Variants in ST3GAL4 observed in about 807,000 individuals in gnomAD.
ST3GAL4 encodes the protein CMP-N-acetylneuraminate-beta-galactosamide-alpha-2,3-sialyltransferase 4.
A neutral mutation model predicts 42.6 loss-of-function variants in ST3GAL4; 24 were observed. That is an observed-to-expected ratio of 0.56 (90% CI 0.41 to 0.79). The LOEUF (loss-of-function observed/expected upper bound fraction) is 0.79, where lower values mean the gene tolerates loss of function less well. ST3GAL4 is among the 30% of genes least tolerant of loss of function. The pLI, the probability that ST3GAL4 is intolerant of heterozygous loss-of-function variation, is 0.00. For missense variants in ST3GAL4, 311 were observed against 430.8 expected (o/e 0.72, Z 2.46); for synonymous variants, 135 against 163.2 (o/e 0.83, Z 1.32).
At chr11:126,358,492 G>A (rs1439961474) in intron 1 of ST3GAL4, 1 of 454,812 alleles carries the variant, frequency 2.2e-6, no homozygotes, top group Non-Finnish European at 4.4e-6. Context: ...CCCAACCCCT[G>A]CCACATTTCG....
At chr11:126,360,123 C>T (rs1394658359) in intron 1 of ST3GAL4, among the ~76,000 whole-genome samples, 1 of 152,254 alleles carries the variant, frequency 6.6e-6, no homozygotes, top group African/African-American at 2.4e-5. Flanking sequence ...ACAAGCTCCG[C>T]ACCGGCAGCC....
In ST3GAL4 at chr11:126,391,499, G is replaced by A. The variant is rs1953512130; in HGVS notation, c.-60-14597G>A. Among the ~76,000 whole-genome samples the A allele has an allele frequency of 6.6e-6, 1 of 152,152 alleles. No individual in the cohort carries two copies. The highest frequency in any genetic ancestry group is 2.1e-4 in the South Asian group (1 of 4,828). On this transcript the variant is annotated intron_variant, in intron 1 of 10. Coordinates refer to ENST00000444328, the MANE Select transcript of ST3GAL4 (RefSeq NM_001254757.2). This position sits in a 1 kb window ranked among gnomAD's most constrained non-coding sequence, Gnocchi z 5.5. ...GAGGTGCGGCTCTTGGAAAGACAGA[G>A]TGTGACTTCCCCAGTGTGGTCTCCT...
chr11:126,407,220 C>G, intron 4 of ST3GAL4, 32 bp from the exon 5 acceptor site: 1 of 1,608,772 alleles, frequency 6.2e-7, no homozygotes, highest in Non-Finnish European at 8.5e-7. Context: ...TAATTCTGTT[C>G]TCATCCCCAC....
At chr11:126,381,048 T>C (rs1253595415) in intron 1 of ST3GAL4, among the ~76,000 whole-genome samples, 3 of 152,232 alleles carry the variant, frequency 2.0e-5, no homozygotes, top group African/African-American at 4.8e-5. Context: ...TGGGGTGCAC[T>C]TCTGCATGTG....
At chr11:126,357,232 C>T (rs1565387555) in intron 1 of ST3GAL4, among the ~76,000 whole-genome samples, 1 of 152,254 alleles carries the variant, frequency 6.6e-6, no homozygotes, top group East Asian at 1.9e-4. Context: ...TGCCTGGCCC[C>T]ATTGCGCTGG....
In ST3GAL4 at chr11:126,402,465, AAAAAG is replaced by A. The variant is rs1388820421; in HGVS notation, c.-60-3628_-60-3624del. On this transcript the variant is annotated intron_variant, in intron 1 of 10. Coordinates refer to ENST00000444328, the MANE Select transcript of ST3GAL4 (RefSeq NM_001254757.2). Reference sequence around the variant, plus strand: ...CAAGACTGTCTGAAAAAAAAAAAAAAAAAAGAAGAAGAAGAAGAACTGAGGACAGT... The same window carrying A: ...CAAGACTGTCTGAAAAAAAAAAAAAAAAGAAGAAGAAGAACTGAGGACAGT... Among the ~76,000 whole-genome samples, 4 of 151,826 alleles carry A rather than the reference AAAAAG, an allele frequency of 2.6e-5. No homozygotes were observed. In the East Asian group the frequency reaches 7.7e-4, roughly 29 times the overall value.
At chr11:126,385,162 C>CTT (rs111523385) in intron 1 of ST3GAL4, among the ~76,000 whole-genome samples, 9 of 145,926 alleles carry the variant, frequency 6.2e-5, no homozygotes, top group Admixed American at 2.7e-4. Context: ...CAGTTTCTTT[C>CTT]TTTTTTTTTT....
In ST3GAL4 at chr11:126,378,612, T is replaced by C. The variant is rs1323297050; in HGVS notation, c.-61+22770T>C. Among the ~76,000 whole-genome samples the C allele has an allele frequency of 6.6e-6, 1 of 152,224 alleles. No individual in the cohort carries two copies. The highest frequency in any genetic ancestry group is 1.9e-4 in the East Asian group (1 of 5,204). ...TTAGTAGAGACAGGGTTTCACCGTG[T>C]TAGCCAGGATGGTCTCGATCTCCTG... On this transcript the variant is annotated intron_variant, in intron 1 of 10. Transcript: ENST00000444328. This position sits in a 1 kb window ranked among gnomAD's most constrained non-coding sequence, Gnocchi z 5.3.
At chr11:126,413,940 T>C (rs1954636737) in intron 10 of ST3GAL4, 21 bp from the exon 11 acceptor site, 4 of 1,613,982 alleles carry the variant, frequency 2.5e-6, no homozygotes, top group Non-Finnish European at 3.4e-6. Context: ...CCTCAGTTTA[T>C]TTCCTTGGCT....
chr11:126,413,898 C>G lies in ST3GAL4; in HGVS notation c.916-63C>G. 1.9e-6 allele frequency: 3 copies of G among 1,590,998 alleles called. No individual in the cohort carries two copies. In the South Asian group the frequency reaches 3.3e-5, roughly 18 times the overall value. On this transcript the variant is annotated intron_variant, in intron 10 of 10. Transcript: ENST00000444328. ...GGGGCCATTGGGAGGGGCAGGGAGA[C>G]TTTCCTGGGGACAGAGAGGTCCCTG...
chr11:126,413,439 C>T (rs1335783706), intron 9 of ST3GAL4, 66 bp from the exon 10 acceptor site: 66 of 1,585,370 alleles, frequency 4.2e-5, no homozygotes, highest in Middle Eastern at 2.2e-4. Flanking sequence ...CACTGCAGAG[C>T]GCTGGCAGAG....
chr11:126,401,413 CA>C (rs2135521504), intron 1 of ST3GAL4, among the ~76,000 whole-genome samples: 1 of 152,024 alleles, frequency 6.6e-6, no homozygotes, highest in Non-Finnish European at 1.5e-5. Flanking sequence ...ACTAAACATA[CA>C]AAAATTAGCC....
intron 1 of ST3GAL4, among the ~76,000 whole-genome samples, chr11:126,364,725 A>G (rs934623967): frequency 1.4e-4 from 21 of 150,408 alleles, no homozygotes; most frequent in Admixed American, 4.0e-4. Flanking sequence ...TCAGGAGGGC[A>G]GAATAACTGC....
intron 9 of ST3GAL4, among the ~76,000 whole-genome samples, chr11:126,412,580 GC>G (rs1208375630): frequency 7.2e-5 from 11 of 152,192 alleles, no homozygotes; most frequent in African/African-American, 2.4e-4. Context: ...CATGGCTCAC[GC>G]CTGTAATCCC....
Position 126,408,321 on chromosome 11 carries a change from C to T in ST3GAL4, c.452C>T (p.Pro151Leu). ...YDVVIRLNNAPVAGYEGDVGS... is the reference protein window; with the variant it reads ...YDVVIRLNNALVAGYEGDVGS... ...CCAACCCCCAGATTGAACAATGCCC[C>T]AGTGGCTGGCTATGAGGGTGACGTG... The change falls in exon 8 of 11, where the codon CCA becomes CTA. Residue 151 changes from proline to leucine, a missense_variant. Pro to Leu is a moderately conservative substitution (Grantham distance 98). Coordinates refer to ENST00000444328, the MANE Select transcript of ST3GAL4 (RefSeq NM_001254757.2). 1 of 1,614,180 alleles carries T rather than the reference C, an allele frequency of 6.2e-7. No homozygotes were observed. The highest frequency in any genetic ancestry group is 8.5e-7 in the Non-Finnish European group (1 of 1,180,014).
rs758640915 is a variant in ST3GAL4, at chr11:126,406,951, T to C, written c.110T>C (p.Phe37Ser). The C allele has an allele frequency of 1.9e-6, 3 of 1,613,924 alleles. No homozygotes were observed. Among genetic ancestry groups the C allele is most frequent in the Non-Finnish European group, 2.5e-6 (3 of 1,179,984 alleles). ...REDRYIELFYFPIPEKKEPCL... is the reference protein window; with the variant it reads ...REDRYIELFYSPIPEKKEPCL... ...TCCTTTTTTCTCTCCAGTTTTTATTTTCCCATCCCAGAGAAGAAGGAGCCG... is the reference window on the plus strand; with the variant it reads ...TCCTTTTTTCTCTCCAGTTTTTATTCTCCCATCCCAGAGAAGAAGGAGCCG... Residue 37 changes from phenylalanine (F) to serine (S), a missense_variant, in exon 4 of 11, where the codon TTT becomes TCT. Transcript: ENST00000444328. The surrounding 1 kb of genome is among the most constrained non-coding windows in gnomAD (Gnocchi z 5.4).
At chr11:126,382,902 G>C (rs1953063494) in intron 1 of ST3GAL4, among the ~76,000 whole-genome samples, 1 of 152,374 alleles carries the variant, frequency 6.6e-6, no homozygotes, top group South Asian at 2.1e-4. Context: ...CAGAAAGTGT[G>C]AGCAGGCTGG....
rs1249527563 is a variant in ST3GAL4 at position 126,377,526 on chromosome 11, A to G, written c.-61+21684A>G. Reference sequence around the variant, plus strand: ...GATACAGTCTCACTCTGTCTTGCCCAGGCTGGAGTGTGCAGTGGTGTGATC... The same window carrying G: ...GATACAGTCTCACTCTGTCTTGCCCGGGCTGGAGTGTGCAGTGGTGTGATC... On this transcript the variant is annotated intron_variant, in intron 1 of 10. Coordinates refer to ENST00000444328, the MANE Select transcript of ST3GAL4 (RefSeq NM_001254757.2). 3.7e-5 allele frequency among the ~76,000 whole-genome samples: 5 copies of G among 134,826 alleles called. No homozygotes were observed. In the East Asian group the frequency reaches 1.1e-3, roughly 30 times the overall value. The allele number at this position is 134,826 out of a possible 152,430, so 88.5% of individuals were successfully genotyped here.
rs542902106 is a variant in ST3GAL4, at chr11:126,378,777, G to A, written c.-61+22935G>A. ...ATCTATTGAGGCATACGATTTTCCT[G>A]TAGCATTTCCATTGAACCAATGTCT... On this transcript the variant is annotated intron_variant, in intron 1 of 10. Transcript: ENST00000444328. The surrounding 1 kb of genome is among the most constrained non-coding windows in gnomAD (Gnocchi z 5.3). Among the ~76,000 whole-genome samples, 1 of 152,278 alleles carries A rather than the reference G, an allele frequency of 6.6e-6. No homozygotes were observed. Among genetic ancestry groups the A allele is most frequent in the South Asian group, 2.1e-4 (1 of 4,822 alleles).
Sources: gnomAD v4.1 joint callset for allele counts (sites outside exome capture counted in the v4.1 genomes callset) on GRCh38, gnomAD v4.1.1 for gene constraint, Gnocchi (gnomAD v3.1) non-coding constraint, MANE v1.5 for transcripts, NCBI Gene and HGNC (gene_info 2026-07-23, HGNC 2026-07-21) for gene names.